Variants in SATB2 observed in about 807,000 individuals in gnomAD.
The protein encoded by SATB2 is DNA-binding protein SATB2.
A neutral mutation model predicts 73.4 loss-of-function variants in SATB2; 1 was observed. That is an observed-to-expected ratio of 0.01 (90% confidence interval 0.00 to 0.06). The LOEUF (loss-of-function observed/expected upper bound fraction) is 0.06. Ranked by LOEUF, SATB2 falls within the 10% of genes least tolerant of loss-of-function variation. The pLI is 1.00. For missense variants in SATB2, 459 were observed against 945.8 expected (o/e 0.49, Z 6.75); for synonymous variants, 397 against 367.0 (o/e 1.08, Z -0.93).
intron 9 of SATB2, among the ~76,000 whole-genome samples, chr2:199,312,983 A>G (rs947130095): frequency 6.6e-6 from 1 of 152,212 alleles, no homozygotes; most frequent in African/African-American, 2.4e-5. Context: ...AAGGAGAATA[A>G]TAATAACTAA....
chr2:199,468,177 T>C (rs1692629813), upstream of SATB2: 1 of 152,122 alleles, frequency 6.6e-6, no homozygotes, highest in African/African-American at 2.4e-5. Context: ...CCACCTTTGC[T>C]GTCACTGAGA....
At position 199,328,110 on chromosome 2, in the gene SATB2, G is replaced by A. The variant is rs553738887; in HGVS notation, c.1386+588C>T. 3.3e-5 allele frequency among the ~76,000 whole-genome samples: 5 copies of A among 152,224 alleles called. No homozygotes were observed. The East Asian group carries it at 9.7e-4, about 29-fold the overall frequency. ...TATAAACATCCTAGAGCCCGCCCCT[G>A]TGCCCACTCCTACCTTCCTACCCCT... On this transcript the variant is annotated intron_variant, in intron 8 of 10. Coordinates refer to ENST00000417098, the MANE Select transcript of SATB2 (RefSeq NM_001172509.2).
rs1459333932 is a variant in SATB2 at position 199,309,015 on chromosome 2, C to A, written c.1543-58G>T. The stretch of plus-strand genomic sequence containing the variant: ...GCAGAGTGTAGAGGAGCTGAGGGGG[C>A]CTTGACTGCGGTCCAGTGCCATCAC... On this transcript the variant is annotated intron_variant, in intron 9 of 10. Transcript: ENST00000417098. The A allele has an allele frequency of 2.9e-6, 4 of 1,387,404 alleles. No individual in the cohort carries two copies. The Admixed American group carries it at 7.1e-5, about 25-fold the overall frequency. 85.9% of individuals were successfully genotyped at this position (1,387,404 alleles called of 1,614,324 possible). A position where few individuals can be genotyped will look rare whatever the true frequency, so the allele number is the denominator to read the frequency against.
At chr2:199,421,402 C>T (rs900450291) in intron 3 of SATB2, among the ~76,000 whole-genome samples, 2 of 152,170 alleles carry the variant, frequency 1.3e-5, no homozygotes, top group Admixed American at 6.5e-5. Flanking sequence ...GACAAATTCC[C>T]TACCTCCAAT....
chr2:199,385,909 A>G (rs901087244), intron 3 of SATB2, among the ~76,000 whole-genome samples: 16 of 152,068 alleles, frequency 1.1e-4, no homozygotes, highest in Admixed American at 3.9e-4. Context: ...GTCCATTTCC[A>G]TATCTGTAAA....
In SATB2 at chr2:199,452,731, C is replaced by G. The variant is rs1185737403; in HGVS notation, c.169+3138G>C. Among the ~76,000 whole-genome samples the G allele has an allele frequency of 2.0e-5, 3 of 152,040 alleles. No individual in the cohort carries two copies. The East Asian group carries it at 5.8e-4, about 29-fold the overall frequency. The stretch of plus-strand genomic sequence containing the variant: ...ATGGTGCTCTTGCTAGCTCTAAACT[C>G]TCTCCTAGCCTTCATATGTTTTTTA... On this transcript the variant is annotated intron_variant, in intron 2 of 10. Transcript: ENST00000417098.
chr2:199,453,729 G>A (rs976426149), intron 2 of SATB2, among the ~76,000 whole-genome samples: 1 of 152,008 alleles, frequency 6.6e-6, no homozygotes, highest in East Asian at 1.9e-4. Context: ...CATTCAATTA[G>A]AAACCTTTGT....
In SATB2 at chr2:199,454,904, T is replaced by C. The variant is rs537509611; in HGVS notation, c.169+965A>G. ...ATATCATTTAAGACAAGTTAATATA[T>C]TGAATATTAAATGGGCTACTGTTGA... On this transcript the variant is annotated intron_variant, in intron 2 of 10. Coordinates refer to ENST00000417098, the MANE Select transcript of SATB2 (RefSeq NM_001172509.2). Among the ~76,000 whole-genome samples the C allele has an allele frequency of 6.6e-5, 10 of 152,246 alleles. No individual in the cohort carries two copies. In the South Asian group the frequency reaches 1.7e-3, roughly 25 times the overall value.
chr2:199,339,015 AAAAG>A (rs1199744549), intron 7 of SATB2, among the ~76,000 whole-genome samples: 1 of 152,074 alleles, frequency 6.6e-6, no homozygotes, highest in Non-Finnish European at 1.5e-5. Flanking sequence ...GTGAAAGGAG[AAAAG>A]AAAGGTCTTC....
chr2:199,333,146 T>C (rs1017596964), intron 7 of SATB2, among the ~76,000 whole-genome samples: 2 of 151,492 alleles, frequency 1.3e-5, no homozygotes, highest in South Asian at 2.1e-4. Context: ...AAATTCAATA[T>C]ACCTAGTCTC....
intron 10 of SATB2, among the ~76,000 whole-genome samples, chr2:199,303,794 C>T (rs2105761389): frequency 6.6e-6 from 1 of 152,240 alleles, no homozygotes; most frequent in African/African-American, 2.4e-5. Context: ...CCAGACAAGT[C>T]AAGGGACAAT....
intron 3 of SATB2, among the ~76,000 whole-genome samples, chr2:199,406,421 G>A (rs1467885707): frequency 2.0e-5 from 3 of 152,066 alleles, no homozygotes; most frequent in East Asian, 1.9e-4. Context: ...TTTACAATGT[G>A]AGATAAACCA....
intron 6 of SATB2, 23 bp downstream of exon 6, chr2:199,368,582 T>C: frequency 7.1e-7 from 1 of 1,400,974 alleles, no homozygotes; most frequent in Non-Finnish European, 1.0e-6. Flanking sequence ...AAACAGGCTT[T>C]ACAAACAAAA....
chr2:199,407,748 TAAAATCATAA>T (rs1165950440), intron 3 of SATB2, among the ~76,000 whole-genome samples: 2 of 151,894 alleles, frequency 1.3e-5, no homozygotes, highest in Non-Finnish European at 2.9e-5. Flanking sequence ...ATATAGAAAA[TAAAATCATAA>T]AAGAACATCT....
chr2:199,456,152 C>T, intron 1 of SATB2, 56 bp from the exon 2 acceptor site: 1 of 991,448 alleles, frequency 1.0e-6, no homozygotes, highest in Non-Finnish European at 1.5e-6. Flanking sequence ...GAAAACCGCT[C>T]ATACACGTGA....
chr2:199,335,099 G>A (rs562471246), intron 7 of SATB2, among the ~76,000 whole-genome samples: 4 of 152,174 alleles, frequency 2.6e-5, no homozygotes, highest in African/African-American at 7.2e-5. Context: ...TGAATAAAAG[G>A]TATACAGGGC....
In SATB2 at chr2:199,270,612, C is replaced by A. The variant is rs1274233374; in HGVS notation, c.*1599G>T. The stretch of plus-strand genomic sequence containing the variant: ...GTCCTGAATGTGAGGTCTCCTCTTG[C>A]AATTACTGTAAGTAGAAGTGGAAAG... On this transcript the variant is annotated 3_prime_UTR_variant, in exon 11 of 11. Coordinates refer to ENST00000417098, the MANE Select transcript of SATB2 (RefSeq NM_001172509.2). 1 of 152,108 alleles carries A rather than the reference C, an allele frequency of 6.6e-6. No homozygotes were observed. The highest frequency in any genetic ancestry group is 2.4e-5 in the African/African-American group (1 of 41,362). 9.4% of individuals were successfully genotyped at this position (152,108 alleles called of 1,614,324 possible).
At position 199,349,120 on chromosome 2, in the gene SATB2, G is replaced by T; in HGVS notation, c.754C>A (p.Pro252Thr). ...TGGTTCATATTTGGTAAATGCATTG[G>T]ACGCTGGCCCAGAACACAATAGTCT... ...LSDYCVLGQR[P>T]MHLPNMNQLA... Residue 252 changes from proline to threonine, a missense_variant, in exon 7 of 11, where the codon CCA (proline) becomes ACA (threonine). Pro to Thr is a conservative substitution (Grantham distance 38, BLOSUM62 -1). This residue lies in a region of SATB2 where 77 missense variants were observed against 90.4 expected (regional missense o/e 0.85). Coordinates refer to ENST00000417098, the MANE Select transcript of SATB2 (RefSeq NM_001172509.2). 1 of 1,613,916 alleles carries T rather than the reference G, an allele frequency of 6.2e-7. No homozygotes were observed. Among genetic ancestry groups the T allele is most frequent in the Non-Finnish European group, 8.5e-7 (1 of 1,179,946 alleles).
intron 3 of SATB2, among the ~76,000 whole-genome samples, chr2:199,398,417 C>A (rs936944629): frequency 2.6e-5 from 4 of 152,146 alleles, no homozygotes. Flanking sequence ...CAGATGCACA[C>A]GTTAATAAAC....
Sources: allele counts gnomAD v4.1 joint callset (sites outside exome capture counted in the v4.1 genomes callset), GRCh38; gene constraint gnomAD v4.1.1; regional missense constraint gnomAD v4.1.1; transcripts MANE v1.5; gene names NCBI Gene and HGNC (gene_info 2026-07-23, HGNC 2026-07-21).